Variants in CACNA1E observed in about 807,000 individuals in gnomAD.
CACNA1E encodes the protein voltage-dependent R-type calcium channel subunit alpha-1E.
In CACNA1E, 40 loss-of-function variants were observed where a neutral mutation model predicts 259.2. That is an observed-to-expected ratio of 0.15 (90% confidence interval 0.12 to 0.20). The LOEUF (loss-of-function observed/expected upper bound fraction) is 0.20. Among genes scored for constraint, CACNA1E ranks in the 10% least tolerant of loss-of-function variants. The pLI is 1.00. For missense variants in CACNA1E, 1,874 were observed against 3,040.1 expected (o/e 0.62, Z 9.02); for synonymous variants, 1,104 against 1,138.5 (o/e 0.97, Z 0.61).
At chr1:181,445,987 G>A (rs919184581) in intron 2 of CACNA1E, among the ~76,000 whole-genome samples, 1 of 152,210 alleles carries the variant, frequency 6.6e-6, no homozygotes, top group Non-Finnish European at 1.5e-5. Flanking sequence ...AAGGGTGAAT[G>A]CATGTTTTTT....
chr1:181,434,460 T>C (rs1659938866), intron 2 of CACNA1E, among the ~76,000 whole-genome samples: 1 of 151,682 alleles, frequency 6.6e-6, no homozygotes, highest in South Asian at 2.1e-4. Context: ...TCTGATCTCA[T>C]GGAATTTAAA....
rs552161571 is a variant in CACNA1E at position 181,413,661 on chromosome 1, G to C, written c.434+81G>C. 39 of 152,966 alleles carry C rather than the reference G, an allele frequency of 2.5e-4. 1 individual carries two copies. In the South Asian group the frequency reaches 8.1e-3, roughly 32 times the overall value. 9.5% of individuals were successfully genotyped at this position (152,966 alleles called of 1,614,324 possible). A position where few individuals can be genotyped will look rare whatever the true frequency, so the allele number is the denominator to read the frequency against. ...TGGGTTCCTGGAGCGGATGGGCCCC[G>C]TGAGGCCGCCCTGGAGGGTCGGGAG... On this transcript the variant is annotated intron_variant, in intron 2 of 11. Coordinates refer to the CACNA1E transcript ENST00000524607.
At chr1:181,393,212 A>T (rs981462549) in intron 1 of CACNA1E, among the ~76,000 whole-genome samples, 1 of 152,204 alleles carries the variant, frequency 6.6e-6, no homozygotes, top group African/African-American at 2.4e-5. Context: ...GGCTCTACCA[A>T]TTACCAGTTA....
At chr1:181,330,801 G>A (rs1414153544) in intron 1 of CACNA1E, among the ~76,000 whole-genome samples, 1 of 152,230 alleles carries the variant, frequency 6.6e-6, no homozygotes, top group African/African-American at 2.4e-5. Context: ...GCTCCATACA[G>A]TGACTTATTT....
At chr1:181,543,758 T>G (rs1410953160) in intron 3 of CACNA1E, among the ~76,000 whole-genome samples, 1 of 152,120 alleles carries the variant, frequency 6.6e-6, no homozygotes, top group African/African-American at 2.4e-5. Context: ...CATTAGCCAT[T>G]AGGGAAATGC....
At chr1:181,627,763 C>T (rs1257403336) in intron 6 of CACNA1E, among the ~76,000 whole-genome samples, 1 of 152,172 alleles carries the variant, frequency 6.6e-6, no homozygotes, top group Non-Finnish European at 1.5e-5. Context: ...GTGGGTGAGG[C>T]TACAGGTTGC....
At chr1:181,515,691 A>C (rs1329490394) in intron 3 of CACNA1E, among the ~76,000 whole-genome samples, 4 of 152,166 alleles carry the variant, frequency 2.6e-5, no homozygotes, top group African/African-American at 9.7e-5. Context: ...GTGAGTTATA[A>C]AAATATAGTA....
chr1:181,791,826 C>T lies in CACNA1E; in HGVS notation c.5898+1270C>T, dbSNP rs1458796454. 4.6e-5 allele frequency among the ~76,000 whole-genome samples: 7 copies of T among 152,328 alleles called. No homozygotes were observed. In the South Asian group the frequency reaches 1.0e-3, roughly 23 times the overall value. On this transcript the variant is annotated intron_variant, in intron 44 of 47. Transcript: ENST00000367573. ...CTTCATTTCTCTCCTGATCCCTCCC[C>T]GCTGCTACTGTGTACCTCAGAGCCA...
chr1:181,600,676 G>A lies in CACNA1E; in HGVS notation c.951+19900G>A, dbSNP rs558272951. 1.3e-4 allele frequency among the ~76,000 whole-genome samples: 20 copies of A among 152,232 alleles called. No individual in the cohort carries two copies. In the East Asian group the frequency reaches 1.4e-3, roughly 10 times the overall value. On this transcript the variant is annotated intron_variant, in intron 6 of 47. Transcript: ENST00000367573. ...GGGGAGCCGAGAGAAGGGGCAGGAT[G>A]GTTGAGCAAGGTCAAGAGTTGAGCT...
At chr1:181,593,495 G>T (rs1454535534) in intron 6 of CACNA1E, among the ~76,000 whole-genome samples, 1 of 152,122 alleles carries the variant, frequency 6.6e-6, no homozygotes, top group East Asian at 1.9e-4. Context: ...GTGAATAACT[G>T]GTGAAACCTA....
At chr1:181,614,582 A>T (rs1376104007) in intron 6 of CACNA1E, among the ~76,000 whole-genome samples, 1 of 152,244 alleles carries the variant, frequency 6.6e-6, no homozygotes, top group Non-Finnish European at 1.5e-5. Context: ...CAATAGCAAC[A>T]GGAGGTGGCT....
At chr1:181,675,755 G>A (rs1388077951) in intron 7 of CACNA1E, among the ~76,000 whole-genome samples, 1 of 152,196 alleles carries the variant, frequency 6.6e-6, no homozygotes, top group African/African-American at 2.4e-5. Context: ...TGTCAAAGCT[G>A]CTTGCTCCTG....
At chr1:181,513,793 G>A (rs1666343654) in intron 3 of CACNA1E, among the ~76,000 whole-genome samples, 1 of 152,204 alleles carries the variant, frequency 6.6e-6, no homozygotes. Context: ...CATGTCCAGG[G>A]GGTGTTCAAG....
intron 7 of CACNA1E, 29 bp downstream of exon 7, chr1:181,651,470 T>A (rs766873635): frequency 2.6e-5 from 39 of 1,487,458 alleles, no homozygotes; most frequent in Non-Finnish European, 3.6e-5. Context: ...TCTTCTTAAC[T>A]CATTTGCTGA....
At chr1:181,348,112 C>T (rs1430535981) in intron 1 of CACNA1E, among the ~76,000 whole-genome samples, 1 of 151,692 alleles carries the variant, frequency 6.6e-6, no homozygotes, top group African/African-American at 2.4e-5. Context: ...TCCTTGAAGC[C>T]GTGCGTCTCA....
intron 1 of CACNA1E, among the ~76,000 whole-genome samples, chr1:181,370,183 CTG>C (rs1316234845): frequency 6.6e-6 from 1 of 151,902 alleles, no homozygotes; most frequent in Non-Finnish European, 1.5e-5. Flanking sequence ...AACTTGGACA[CTG>C]TGTTAGTGTT....
intron 1 of CACNA1E, among the ~76,000 whole-genome samples, chr1:181,338,519 T>C (rs1045166477): frequency 2.0e-5 from 3 of 148,000 alleles, no homozygotes; most frequent in African/African-American, 7.6e-5. Flanking sequence ...TTTTTTTTTG[T>C]GGCTAAGTTG....
intron 6 of CACNA1E, 71 bp downstream of exon 6, chr1:181,580,847 G>T: frequency 2.8e-6 from 4 of 1,439,838 alleles, no homozygotes; most frequent in South Asian, 2.3e-5. Flanking sequence ...TGGTTGTTTG[G>T]CCTGGCTAGT....
At chr1:181,625,809 G>A (rs1383068545) in intron 6 of CACNA1E, among the ~76,000 whole-genome samples, 1 of 152,192 alleles carries the variant, frequency 6.6e-6, no homozygotes, top group Non-Finnish European at 1.5e-5. Flanking sequence ...TGGTGTAAGA[G>A]GCTTAGTTTT....
Sources: allele counts gnomAD v4.1 joint callset (sites outside exome capture counted in the v4.1 genomes callset), GRCh38; gene constraint gnomAD v4.1.1; transcripts MANE v1.5; gene names NCBI Gene and HGNC (gene_info 2026-07-23, HGNC 2026-07-21).